The following RAP1GAP2 variants were observed in gnomAD, a reference collection of about 807,000 sequenced individuals.
The protein encoded by RAP1GAP2 is RAP1 GTPase activating protein 2, also known as rap1 GTPase-activating protein 2.
In RAP1GAP2, 27 loss-of-function variants were observed where a neutral mutation model predicts 95.0. The observed-to-expected ratio is 0.28, with a 90% CI of 0.21 to 0.39. RAP1GAP2 has a LOEUF of 0.39. Ranked by LOEUF, RAP1GAP2 falls within the 10% of genes least tolerant of loss-of-function variation. The pLI is 1.00. For missense variants in RAP1GAP2, 771 were observed against 970.0 expected, an observed-to-expected ratio of 0.79 and a Z score of 2.72; for synonymous variants, 373 against 380.9, an observed-to-expected ratio of 0.98 and a Z score of 0.24.
At chr17:2,877,432 C>G (rs1235968280) in intron 2 of RAP1GAP2, among the ~76,000 whole-genome samples, 1 of 152,170 alleles carries the variant, frequency 6.6e-6, no homozygotes, top group African/African-American at 2.4e-5. Context: ...TGGGACACAT[C>G]ACATCTCTGC....
chr17:2,878,009 A>ACCT (rs1461215103), intron 2 of RAP1GAP2, among the ~76,000 whole-genome samples: 1 of 151,876 alleles, frequency 6.6e-6, no homozygotes, highest in East Asian at 1.9e-4. Context: ...GACGTGTAGG[A>ACCT]GGCAGAGTGA....
At position 3,009,863 on chromosome 17, in the gene RAP1GAP2, G is replaced by A. The variant is rs115612843; in HGVS notation, c.1494+1718G>A. ...AGGGCGCCAGGTCAGACAACCCAGC[G>A]AGAGAATGGAGAGTGTGAGATGCGG... On this transcript the variant is annotated intron_variant, in intron 17 of 24. Transcript: ENST00000254695. 3.0e-3 allele frequency among the ~76,000 whole-genome samples: 451 copies of A among 152,150 alleles called. 2 individuals carry two copies. The highest frequency in any genetic ancestry group is 0.011 in the African/African-American group (444 of 41,504).
At chr17:3,019,843 G>A (rs913952140) in intron 18 of RAP1GAP2, among the ~76,000 whole-genome samples, 1 of 152,174 alleles carries the variant, frequency 6.6e-6, no homozygotes, top group African/African-American at 2.4e-5. Flanking sequence ...TCTAGAGGTT[G>A]GTTCCAGGCT....
At chr17:2,826,422 C>T (rs925231945) in intron 2 of RAP1GAP2, among the ~76,000 whole-genome samples, 6 of 152,080 alleles carry the variant, frequency 3.9e-5, no homozygotes, top group African/African-American at 1.4e-4. Context: ...TGGCAGGAAA[C>T]AGCCAGAGGC....
intron 22 of RAP1GAP2, among the ~76,000 whole-genome samples, chr17:3,028,761 G>A (rs2047203359): frequency 6.6e-6 from 1 of 152,164 alleles, no homozygotes; most frequent in African/African-American, 2.4e-5. Flanking sequence ...ACGTCTCTGA[G>A]CCTCAGTTTC....
At chr17:2,998,928 G>A (rs917879108) in intron 14 of RAP1GAP2, among the ~76,000 whole-genome samples, 6 of 152,176 alleles carry the variant, frequency 3.9e-5, no homozygotes, top group African/African-American at 9.7e-5. Flanking sequence ...GGGTGCTAAC[G>A]AAGGAAAAAA....
intron 1 of RAP1GAP2, among the ~76,000 whole-genome samples, chr17:2,786,946 CTTTTTTTTTTTT>C (rs67990731): frequency 1.7e-5 from 1 of 58,252 alleles, no homozygotes; most frequent in African/African-American, 7.5e-5. Flanking sequence ...CGCTCCCAGC[CTTTTTTTTTTTT>C]TTTTTTTTTT....
chr17:2,848,756 C>T (rs145527655), intron 2 of RAP1GAP2, among the ~76,000 whole-genome samples: 2,498 of 152,262 alleles, frequency 0.016, 51 homozygotes, highest in African/African-American at 0.057. Context: ...TCAAGTGATT[C>T]GCCTGCCACG....
At chr17:2,864,206 C>T (rs1214828741) in intron 2 of RAP1GAP2, among the ~76,000 whole-genome samples, 1 of 152,104 alleles carries the variant, frequency 6.6e-6, no homozygotes, top group East Asian at 1.9e-4. Context: ...GGGGAGTGGG[C>T]CCCTGCAGAC....
chr17:2,879,884 G>C (rs181008936), intron 2 of RAP1GAP2, among the ~76,000 whole-genome samples: 1 of 152,146 alleles, frequency 6.6e-6, no homozygotes, highest in African/African-American at 2.4e-5. Context: ...GGAGAGTTTG[G>C]GGGGCTGGTG....
At chr17:2,873,225 T>C (rs547842128) in intron 2 of RAP1GAP2, among the ~76,000 whole-genome samples, 50 of 147,246 alleles carry the variant, frequency 3.4e-4, no homozygotes, top group Admixed American at 1.9e-3. Context: ...TTTGGGAGGC[T>C]GAGGTGGGCA....
intron 2 of RAP1GAP2, among the ~76,000 whole-genome samples, chr17:2,891,092 G>A (rs181734777): frequency 1.4e-4 from 21 of 151,956 alleles, no homozygotes; most frequent in Admixed American, 1.2e-3. Context: ...TGGAGTTAAT[G>A]ATTAACTCCT....
rs569446999 is a variant in RAP1GAP2, at chr17:2,907,769, C to G, written c.165+2401C>G. On this transcript the variant is annotated intron_variant, in intron 3 of 24. Coordinates refer to ENST00000254695, the MANE Select transcript of RAP1GAP2 (RefSeq NM_015085.5). ...ACCATTTGCGAGCCCCTTAGAAATG[C>G]AGAATCTCAGGTTCCACCCCAGACC... Among the ~76,000 whole-genome samples, 5 of 152,250 alleles carry G rather than the reference C, an allele frequency of 3.3e-5. No homozygotes were observed. In the East Asian group the frequency reaches 9.7e-4, roughly 29 times the overall value.
chr17:2,808,139 C>T (rs529590283), intron 2 of RAP1GAP2, among the ~76,000 whole-genome samples: 180 of 152,120 alleles, frequency 1.2e-3, no homozygotes, highest in South Asian at 3.1e-3. Flanking sequence ...ACCCTTCTGT[C>T]GTGTCCAAGA....
At chr17:2,998,482 A>T in intron 14 of RAP1GAP2, 106 bp downstream of exon 14, 1 of 1,361,484 alleles carries the variant, frequency 7.3e-7, no homozygotes, top group Non-Finnish European at 1.0e-6. Flanking sequence ...GAGATTCTCC[A>T]TGAGTTTGCA....
intron 2 of RAP1GAP2, among the ~76,000 whole-genome samples, chr17:2,895,681 A>G (rs953847934): frequency 1.3e-5 from 2 of 151,796 alleles, no homozygotes; most frequent in Admixed American, 6.6e-5. Context: ...GGTTCAAGCA[A>G]TTCTCCTGCC....
At chr17:2,776,298 G>A (rs1031350538), upstream of RAP1GAP2, among the ~76,000 whole-genome samples, 1 of 152,216 alleles carries the variant, frequency 6.6e-6, no homozygotes, top group Non-Finnish European at 1.5e-5. Flanking sequence ...CAGAGCTAGA[G>A]GGAGCCCCAG....
At chr17:3,028,867 C>T (rs1221226819) in intron 22 of RAP1GAP2, among the ~76,000 whole-genome samples, 1 of 152,150 alleles carries the variant, frequency 6.6e-6, no homozygotes, top group East Asian at 1.9e-4. Flanking sequence ...ATGGCGCAAT[C>T]TCGGCTCACT....
At chr17:2,861,555 C>T (rs1204414537) in intron 2 of RAP1GAP2, among the ~76,000 whole-genome samples, 2 of 151,326 alleles carry the variant, frequency 1.3e-5, no homozygotes, top group African/African-American at 4.9e-5. Flanking sequence ...GCAACCTCTG[C>T]CTTCCAGGTT....
Sources: allele counts gnomAD v4.1 joint callset (sites outside exome capture counted in the v4.1 genomes callset), GRCh38; gene constraint gnomAD v4.1.1; transcripts MANE v1.5; gene names NCBI Gene and HGNC (gene_info 2026-07-23, HGNC 2026-07-21).